LRRC74B: variants seen among roughly 807,000 people sequenced by gnomAD.
The protein encoded by LRRC74B is leucine rich repeat containing 74B.
In LRRC74B, 30 loss-of-function variants were observed where a neutral mutation model predicts 16.6. That is an observed-to-expected ratio of 1.80 (90% CI 1.35 to 2.45). The LOEUF is 2.45. LRRC74B is among the 30% of genes most tolerant of loss of function. LRRC74B has a pLI of 0.00. For missense variants in LRRC74B, 326 were observed against 202.4 expected, an observed-to-expected ratio of 1.61 and a Z score of -3.71; for synonymous variants, 134 against 86.0, an observed-to-expected ratio of 1.56 and a Z score of -3.09.
At position 21,052,401 on chromosome 22, in the gene LRRC74B, G is replaced by T. The variant is rs754542739; in HGVS notation, c.732+43G>T. ...AGTCGGCCCTACAGCCTGTCTGCTG[G>T]GGCCTGTCTCCCAGGGGCCACCTCC... On this transcript the variant is annotated intron_variant, in intron 5 of 8. Transcript: ENST00000442047. The T allele has an allele frequency of 1.8e-5, 13 of 715,402 alleles. No individual in the cohort carries two copies. The African/African-American group carries it at 2.3e-4, about 13-fold the overall frequency. The allele number at this position is 715,402 out of a possible 1,614,324, so 44.3% of individuals were successfully genotyped here.
At chr22:21,052,933 T>A (rs191972663) in intron 5 of LRRC74B, among the ~76,000 whole-genome samples, 7 of 152,328 alleles carry the variant, frequency 4.6e-5, no homozygotes, top group East Asian at 1.9e-4. Flanking sequence ...TCACACTCTG[T>A]CTTGCCAGAG....
chr22:21,052,054 T>G (rs560878911), intron 4 of LRRC74B, among the ~76,000 whole-genome samples, 195 bp from the exon 5 acceptor site: 1 of 152,298 alleles, frequency 6.6e-6, no homozygotes, highest in East Asian at 1.9e-4. Context: ...TCTAAATGAA[T>G]AGCTCACATC....
Position 21,047,370 on chromosome 22 carries a change from G to T in LRRC74B, c.154G>T (p.Gly52Ter). The change falls in exon 2 of 9, where the codon GGA becomes TGA. Residue 52 changes from glycine (G) to a stop codon, truncating the protein, a stop_gained. Transcript: ENST00000442047. LOFTEE classifies it high-confidence loss of function. ...TCTCCTGCCAGGCACCGATGGGCTT[G>T]GAGAACTGGTCAGGGACACACTGTA... The T allele has an allele frequency of 1.4e-6, 1 of 717,400 alleles. No homozygotes were observed. Among genetic ancestry groups the T allele is most frequent in the Non-Finnish European group, 2.6e-6 (1 of 385,040 alleles). The allele number at this position is 717,400 out of a possible 1,614,324, so 44.4% of individuals were successfully genotyped here.
intron 5 of LRRC74B, 42 bp from the exon 6 acceptor site, chr22:21,053,318 C>T (rs1296440806): frequency 2.8e-6 from 2 of 707,214 alleles, no homozygotes; most frequent in Non-Finnish European, 5.3e-6. Flanking sequence ...GCTTGCTCCA[C>T]TGTCAGATGG....
downstream of LRRC74B, chr22:21,062,441 G>C (rs149792509): frequency 1.3e-5 from 2 of 152,136 alleles, no homozygotes; most frequent in African/African-American, 4.8e-5. Flanking sequence ...ATGGCCAGGC[G>C]CGGTGGCTCA....
intron 2 of LRRC74B, 69 bp from the exon 3 acceptor site, chr22:21,047,815 T>G (rs972909373): frequency 2.3e-5 from 16 of 696,424 alleles, no homozygotes; most frequent in Non-Finnish European, 4.0e-5. Context: ...AGCTGGAGGA[T>G]GTGGAGTGGG....
rs763728403 is a variant in LRRC74B at position 21,057,201 on chromosome 22, G to A, written c.1023+1G>A. 8.4e-6 allele frequency: 6 copies of A among 717,092 alleles called. No individual in the cohort carries two copies. Among genetic ancestry groups the A allele is most frequent in the South Asian group, 7.4e-5 (5 of 67,556 alleles). The allele number at this position is 717,092 out of a possible 1,614,324, so 44.4% of individuals were successfully genotyped here. ...TGCCCTGGAACTGCTGGATTTCTCAGTAAGAGCATTTTATAAACCTCGTTT... is the reference window on the plus strand; with the variant it reads ...TGCCCTGGAACTGCTGGATTTCTCAATAAGAGCATTTTATAAACCTCGTTT... On this transcript the variant is annotated splice_donor_variant, in intron 8 of 8. Transcript: ENST00000442047. LOFTEE classifies it high-confidence loss of function.
At chr22:21,050,967 C>T (rs529716393) in intron 4 of LRRC74B, among the ~76,000 whole-genome samples, 13 of 106,808 alleles carry the variant, frequency 1.2e-4, no homozygotes, top group African/African-American at 2.0e-4. Flanking sequence ...GGCAACAGAG[C>T]GAGACTCCGT....
chr22:21,057,193 A>G, exon 8 of LRRC74B: 1 of 717,262 alleles, frequency 1.4e-6, no homozygotes, highest in Non-Finnish European at 2.6e-6. Context: ...GAACTGCTGG[A>G]TTTCTCAGTA....
At chr22:21,048,226 A>C in intron 3 of LRRC74B, 3 of 553,284 alleles carry the variant, frequency 5.4e-6, no homozygotes, top group Non-Finnish European at 9.8e-6. Context: ...TTCCTCACCC[A>C]CCCCACACCA....
At chr22:21,048,713 G>A (rs1929703739) in intron 3 of LRRC74B, 4 of 553,442 alleles carry the variant, frequency 7.2e-6, no homozygotes, top group South Asian at 6.5e-5. Flanking sequence ...AGTCTCTACA[G>A]TACCAGGAGG....
intron 3 of LRRC74B, 46 bp from the exon 4 acceptor site, chr22:21,048,905 G>A (rs1280042645): frequency 4.2e-6 from 3 of 706,622 alleles, no homozygotes; most frequent in South Asian, 3.0e-5. Context: ...GTAGGGGAGT[G>A]CCTGGCTTTG....
At chr22:21,045,952 G>A (rs1484369656), upstream of LRRC74B, 8 of 713,846 alleles carry the variant, frequency 1.1e-5, no homozygotes, top group East Asian at 2.7e-5. Context: ...AGCTGTCTCC[G>A]ACTCAGTGTC....
intron 1 of LRRC74B, 118 bp downstream of exon 1, chr22:21,046,243 T>TCCAG: frequency 1.6e-6 from 1 of 616,710 alleles, no homozygotes; most frequent in Non-Finnish European, 2.9e-6. Flanking sequence ...GCGGGGCGCC[T>TCCAG]CCAGCCCCCT....
chr22:21,055,047 A>AC (rs1396668974), intron 6 of LRRC74B, 51 bp from the exon 7 acceptor site: 1 of 711,244 alleles, frequency 1.4e-6, no homozygotes, highest in Non-Finnish European at 2.6e-6. Flanking sequence ...TGGGCTCTGC[A>AC]CCGCTGCTTG....
At chr22:21,050,709 C>T (rs1487598744) in intron 4 of LRRC74B, among the ~76,000 whole-genome samples, 4 of 145,284 alleles carry the variant, frequency 2.8e-5, no homozygotes, top group African/African-American at 1.0e-4. Context: ...ACCCAGGAGG[C>T]GGAGCTTGCA....
At chr22:21,057,293 C>T in intron 8 of LRRC74B, 93 bp downstream of exon 8, 2 of 667,676 alleles carry the variant, frequency 3.0e-6, no homozygotes, top group South Asian at 1.7e-5. Flanking sequence ...TTACAGAAAT[C>T]AAGAGCCCTG....
intron 8 of LRRC74B, among the ~76,000 whole-genome samples, chr22:21,059,404 G>A (rs1285412080): frequency 6.6e-6 from 1 of 151,982 alleles, no homozygotes; most frequent in Non-Finnish European, 1.5e-5. Flanking sequence ...GTAAAAGATA[G>A]AAGAAAAATT....
exon 4 of LRRC74B, chr22:21,049,129 G>C (rs1205409196): frequency 1.7e-5 from 12 of 716,154 alleles, no homozygotes; most frequent in Non-Finnish European, 2.6e-5. Context: ...CCCTGGACCT[G>C]AGCTACAACC....
Sources: gnomAD v4.1 joint callset for allele counts (sites outside exome capture counted in the v4.1 genomes callset) on GRCh38, gnomAD v4.1.1 for gene constraint, MANE v1.5 for transcripts, NCBI Gene and HGNC (gene_info 2026-07-23, HGNC 2026-07-21) for gene names.